The following KCNIP1 variants were observed in gnomAD, a reference collection of about 807,000 sequenced individuals.
KCNIP1 encodes potassium voltage-gated channel interacting protein 1, also known as A-type potassium channel modulatory protein KCNIP1.
Under a neutral mutation model 33.0 loss-of-function variants are expected in KCNIP1, and 18 were observed. That is an observed-to-expected ratio of 0.55 (90% CI 0.38 to 0.81). KCNIP1 has a LOEUF of 0.81. Among genes scored for constraint, KCNIP1 ranks in the 30% least tolerant of loss-of-function variants. The probability of loss-of-function intolerance (pLI) is 0.00; values close to 1 mark genes in which losing one functional copy is unlikely to be tolerated. For missense variants in KCNIP1, 238 were observed against 271.6 expected, an observed-to-expected ratio of 0.88 and a Z score of 0.87; for synonymous variants, 93 against 98.3, an observed-to-expected ratio of 0.95 and a Z score of 0.32.
chr5:170,648,252 A>T (rs1022200062), intron 1 of KCNIP1, among the ~76,000 whole-genome samples: 7 of 152,264 alleles, frequency 4.6e-5, no homozygotes, highest in Non-Finnish European at 1.0e-4. Context: ...GACCCTTACC[A>T]TAAGATTCAT....
At chr5:170,401,698 G>T (rs1016434556) in intron 1 of KCNIP1, among the ~76,000 whole-genome samples, 2 of 151,824 alleles carry the variant, frequency 1.3e-5, no homozygotes, top group Non-Finnish European at 2.9e-5. Flanking sequence ...GGAAGTCAAG[G>T]CTGCAGTAAG....
intron 1 of KCNIP1, among the ~76,000 whole-genome samples, chr5:170,471,573 C>T (rs150830171): frequency 0.015 from 2,307 of 152,248 alleles, 24 homozygotes; most frequent in Non-Finnish European, 0.021. Flanking sequence ...ATTTAAAGTC[C>T]GCCGTGACTG....
At chr5:170,571,067 G>A (rs768245399) in intron 1 of KCNIP1, among the ~76,000 whole-genome samples, 12 of 152,164 alleles carry the variant, frequency 7.9e-5, no homozygotes, top group Middle Eastern at 3.2e-3. Context: ...TTTTGGTCAC[G>A]CTCAGATTCT....
At chr5:170,591,169 T>C (rs1256458364) in intron 1 of KCNIP1, among the ~76,000 whole-genome samples, 1 of 152,232 alleles carries the variant, frequency 6.6e-6, no homozygotes, top group Non-Finnish European at 1.5e-5. Flanking sequence ...TGTGTACATG[T>C]GCAAATGCGA....
chr5:170,358,013 G>T (rs1763393150), intron 1 of KCNIP1, among the ~76,000 whole-genome samples: 1 of 152,174 alleles, frequency 6.6e-6, no homozygotes, highest in Non-Finnish European at 1.5e-5. Flanking sequence ...TGAAATCAGG[G>T]GTCTGGGGAA....
At chr5:170,481,306 C>T (rs1015416652) in intron 1 of KCNIP1, among the ~76,000 whole-genome samples, 2 of 152,148 alleles carry the variant, frequency 1.3e-5, no homozygotes, top group Non-Finnish European at 2.9e-5. Context: ...CCAAAGAGCC[C>T]CTGTTTCTTT....
intron 1 of KCNIP1, among the ~76,000 whole-genome samples, chr5:170,505,741 A>G (rs186011764): frequency 9.2e-5 from 14 of 152,298 alleles, no homozygotes; most frequent in African/African-American, 3.1e-4. Flanking sequence ...ACCCCCTGGA[A>G]GAAGGGGTCC....
chr5:170,677,051 T>C (rs1459319739), intron 1 of KCNIP1, among the ~76,000 whole-genome samples: 2 of 152,238 alleles, frequency 1.3e-5, no homozygotes, highest in Admixed American at 6.5e-5. Flanking sequence ...CTATACGTAC[T>C]CAATATATGA....
At chr5:170,420,226 A>T (rs897248341) in intron 1 of KCNIP1, among the ~76,000 whole-genome samples, 1 of 152,150 alleles carries the variant, frequency 6.6e-6, no homozygotes, top group African/African-American at 2.4e-5. Flanking sequence ...CACCCCTGAG[A>T]CAGCAGGGCC....
At chr5:170,572,291 C>T (rs1408780665) in intron 1 of KCNIP1, among the ~76,000 whole-genome samples, 2 of 152,222 alleles carry the variant, frequency 1.3e-5, no homozygotes, top group African/African-American at 4.8e-5. Context: ...GCAACATCTG[C>T]TGAGAGGTTT....
In KCNIP1 at chr5:170,390,517, A is replaced by AATATATATATATATATAT. The variant is rs1554088940; in HGVS notation, c.88+36558_88+36575dup. Among the ~76,000 whole-genome samples the AATATATATATATATATAT allele has an allele frequency of 1.8e-3, 132 of 74,442 alleles. 9 individuals are homozygous for AATATATATATATATATAT. The highest frequency in any genetic ancestry group is 7.5e-3 in the East Asian group (18 of 2,408). 48.8% of individuals were successfully genotyped at this position (74,442 alleles called of 152,430 possible). On this transcript the variant is annotated intron_variant, in intron 1 of 7. Transcript: ENST00000377360. ...GACCCCGTCTCAAAAAAAAAAAACAAATATATATATATATATATATATTTT... is the reference window on the plus strand; with the variant it reads ...GACCCCGTCTCAAAAAAAAAAAACAAATATATATATATATATATATATATATATATATATATATATTTT...
chr5:170,625,579 A>G (rs2113655537), intron 1 of KCNIP1, among the ~76,000 whole-genome samples: 1 of 152,332 alleles, frequency 6.6e-6, no homozygotes, highest in East Asian at 1.9e-4. Flanking sequence ...GGAAATTTCT[A>G]GCTTTCACTG....
In KCNIP1 at chr5:170,539,030, T is replaced by C. The variant is rs117857324; in HGVS notation, c.61+34397T>C. On this transcript the variant is annotated intron_variant, in intron 1 of 7. Coordinates refer to ENST00000328939, the MANE Select transcript of KCNIP1 (RefSeq NM_014592.4). The stretch of plus-strand genomic sequence containing the variant: ...TTCTCTTGGCTTTAAAGACCATCCA[T>C]ATGCAATCTGCAGGTCCTATGATCA... Among the ~76,000 whole-genome samples the C allele has an allele frequency of 7.2e-4, 109 of 152,064 alleles. 2 individuals are homozygous for C. In the East Asian group the frequency reaches 0.02, roughly 28 times the overall value.
At chr5:170,415,208 C>G (rs187081459) in intron 1 of KCNIP1, among the ~76,000 whole-genome samples, 1 of 152,020 alleles carries the variant, frequency 6.6e-6, no homozygotes, top group African/African-American at 2.4e-5. Flanking sequence ...ATAGAGGAAG[C>G]CGGGGAGGGG....
At chr5:170,419,376 G>A (rs1433983993) in intron 1 of KCNIP1, among the ~76,000 whole-genome samples, 11 of 152,190 alleles carry the variant, frequency 7.2e-5, no homozygotes, top group African/African-American at 2.4e-5. Context: ...ATTCCCTCCC[G>A]GTCCAATGCT....
At chr5:170,355,199 C>G (rs1196893163) in intron 1 of KCNIP1, among the ~76,000 whole-genome samples, 3 of 152,164 alleles carry the variant, frequency 2.0e-5, no homozygotes, top group Non-Finnish European at 2.9e-5. Flanking sequence ...TCCAAGATAC[C>G]CAGGTGGGCT....
chr5:170,500,833 A>G (rs1047542090), upstream of KCNIP1, among the ~76,000 whole-genome samples: 2 of 152,262 alleles, frequency 1.3e-5, no homozygotes, highest in Non-Finnish European at 2.9e-5. Flanking sequence ...GGTACATGGT[A>G]GATACATGAA....
chr5:170,621,782 T>A (rs1759612002), intron 1 of KCNIP1, among the ~76,000 whole-genome samples: 1 of 152,220 alleles, frequency 6.6e-6, no homozygotes, highest in Non-Finnish European at 1.5e-5. Flanking sequence ...GTGCTGGGAT[T>A]ACAACTGTGA....
intron 1 of KCNIP1, among the ~76,000 whole-genome samples, chr5:170,400,407 G>A (rs1015258919): frequency 6.6e-6 from 1 of 152,036 alleles, no homozygotes; most frequent in Non-Finnish European, 1.5e-5. Flanking sequence ...GATCTCATGA[G>A]AACTCCCTTA....
Sources: gnomAD v4.1 joint callset for allele counts (sites outside exome capture counted in the v4.1 genomes callset) on GRCh38, gnomAD v4.1.1 for gene constraint, MANE v1.5 for transcripts, NCBI Gene and HGNC (gene_info 2026-07-23, HGNC 2026-07-21) for gene names.